Variants in STK32C observed in about 807,000 individuals in gnomAD.
STK32C encodes the protein serine/threonine kinase 32C, also known as serine/threonine-protein kinase 32C.
STK32C carries 31 observed loss-of-function variants against 56.5 expected under a neutral mutation model. The observed-to-expected ratio is 0.55, with a 90% CI of 0.41 to 0.74. The LOEUF is 0.74. Ranked by LOEUF, STK32C falls within the 30% of genes least tolerant of loss-of-function variation. STK32C has a pLI of 0.00. For synonymous variants in STK32C, 309 were observed against 289.4 expected, an observed-to-expected ratio of 1.07 and a Z score of -0.69; for missense variants, 544 against 676.9, an observed-to-expected ratio of 0.80 and a Z score of 2.18.
downstream of STK32C, among the ~76,000 whole-genome samples, chr10:132,322,118 T>A (rs1564803944): frequency 6.6e-6 from 1 of 152,232 alleles, no homozygotes; most frequent in Non-Finnish European, 1.5e-5. Flanking sequence ...GACTCACTCA[T>A]CTGAAATACA....
chr10:132,264,389 T>G (rs1001831587), intron 1 of STK32C, among the ~76,000 whole-genome samples: 1 of 152,132 alleles, frequency 6.6e-6, no homozygotes, highest in African/African-American at 2.4e-5. Context: ...AGGGCAGAAC[T>G]GAGCCGCAGG....
intron 1 of STK32C, among the ~76,000 whole-genome samples, chr10:132,265,190 G>A (rs1272757547): frequency 4.9e-5 from 7 of 142,448 alleles, no homozygotes; most frequent in South Asian, 2.1e-4. Flanking sequence ...TGGGGGAGCC[G>A]CAAGGGCAGT....
At position 132,225,742 on chromosome 10, in the gene STK32C, C is replaced by T. The variant is rs2062865399; in HGVS notation, c.682+5G>A. On this transcript the variant is annotated splice_donor_5th_base_variant and intron_variant, in intron 5 of 11. Coordinates refer to ENST00000298630, the MANE Select transcript of STK32C (RefSeq NM_173575.4). Reference sequence around the variant, plus strand: ...CCTGGGCTGCCCACACCCAACCCCACACACCTCTCTCATCCAGGAGAATGT... The same window carrying T: ...CCTGGGCTGCCCACACCCAACCCCATACACCTCTCTCATCCAGGAGAATGT... 4 of 1,614,162 alleles carry T rather than the reference C, an allele frequency of 2.5e-6. No individual in the cohort carries two copies. Among genetic ancestry groups the T allele is most frequent in the Non-Finnish European group, 3.4e-6 (4 of 1,180,026 alleles).
At chr10:132,230,682 G>A (rs1034646771) in intron 2 of STK32C, among the ~76,000 whole-genome samples, 12 of 139,442 alleles carry the variant, frequency 8.6e-5, no homozygotes, top group South Asian at 4.9e-4. Flanking sequence ...AAGCTGGCGG[G>A]GGGGGGGGGG....
intron 2 of STK32C, among the ~76,000 whole-genome samples, chr10:132,237,172 C>T (rs2063323011): frequency 6.6e-6 from 1 of 152,162 alleles, no homozygotes; most frequent in African/African-American, 2.4e-5. Flanking sequence ...GGCTCCCACT[C>T]CCTGACTGTG....
rs148926332 is a variant in STK32C at position 132,248,971 on chromosome 10, A to C, written c.263-3016T>G. 2,937 of 457,142 alleles carry C rather than the reference A, an allele frequency of 6.4e-3. 32 individuals are homozygous for C. Among genetic ancestry groups the C allele is most frequent in the South Asian group, 0.02 (1,293 of 64,586 alleles). 28.3% of individuals were successfully genotyped at this position (457,142 alleles called of 1,614,324 possible). On this transcript the variant is annotated intron_variant, in intron 1 of 11. Coordinates refer to ENST00000298630, the MANE Select transcript of STK32C (RefSeq NM_173575.4). Reference sequence around the variant, plus strand: ...AAAGGATGGGAAACAAAATCTATTAAATAACAAGTCAGAAGCATAAGGGAG... The same window carrying C: ...AAAGGATGGGAAACAAAATCTATTACATAACAAGTCAGAAGCATAAGGGAG...
chr10:132,303,148 G>C (rs571529380), intron 1 of STK32C, among the ~76,000 whole-genome samples: 2 of 152,218 alleles, frequency 1.3e-5, no homozygotes, highest in Admixed American at 6.5e-5. Flanking sequence ...GGGGCTCTGC[G>C]GTGAGGGGCT....
chr10:132,246,454 G>T lies in STK32C; in HGVS notation c.263-499C>A, dbSNP rs143966237. 6.7e-3 allele frequency among the ~76,000 whole-genome samples: 1,022 copies of T among 152,346 alleles called. 15 individuals are homozygous for T. The highest frequency in any genetic ancestry group is 0.024 in the African/African-American group (984 of 41,582). On this transcript the variant is annotated intron_variant, in intron 1 of 11. Coordinates refer to ENST00000298630, the MANE Select transcript of STK32C (RefSeq NM_173575.4). The stretch of plus-strand genomic sequence containing the variant: ...AGCCCTGCTGGCACTCACTGGGCAA[G>T]CCTGGGGGAGTCTGCAAACGGCCCC...
intron 1 of STK32C, among the ~76,000 whole-genome samples, chr10:132,264,684 C>A (rs978643508): frequency 3.3e-5 from 5 of 152,250 alleles, no homozygotes; most frequent in South Asian, 2.1e-4. Context: ...CCCAAACCAG[C>A]ACCTAGTGGG....
intron 1 of STK32C, among the ~76,000 whole-genome samples, chr10:132,270,940 G>C (rs1199294869): frequency 6.6e-6 from 1 of 151,896 alleles, no homozygotes; most frequent in South Asian, 2.1e-4. Flanking sequence ...CAGCCAATAA[G>C]GGTAGGGCAA....
intron 1 of STK32C, among the ~76,000 whole-genome samples, chr10:132,324,740 C>T (rs1315969950): frequency 6.6e-6 from 1 of 152,196 alleles, no homozygotes. Flanking sequence ...AAGGCAGTCT[C>T]AAGAGATCCT....
chr10:132,265,595 G>A (rs180739654), intron 1 of STK32C, among the ~76,000 whole-genome samples: 140 of 152,318 alleles, frequency 9.2e-4, no homozygotes, highest in Non-Finnish European at 1.3e-3. Flanking sequence ...TCATGGCTCG[G>A]GACAATGTCT....
chr10:132,328,234 G>A (rs2066541023), intron 1 of STK32C, among the ~76,000 whole-genome samples: 1 of 152,130 alleles, frequency 6.6e-6, no homozygotes, highest in Admixed American at 6.6e-5. Flanking sequence ...GGGACATGAG[G>A]AGTGCTGATT....
intron 1 of STK32C, among the ~76,000 whole-genome samples, chr10:132,262,723 C>T (rs1237626386): frequency 1.4e-5 from 2 of 139,484 alleles, no homozygotes; most frequent in East Asian, 2.2e-4. Context: ...CACTGTACTC[C>T]GGCCTGGTGA....
At chr10:132,237,233 C>T (rs1481480310) in intron 2 of STK32C, among the ~76,000 whole-genome samples, 3 of 152,174 alleles carry the variant, frequency 2.0e-5, no homozygotes, top group African/African-American at 7.2e-5. Context: ...ACAGGCTGGG[C>T]CCCTCTGCCC....
chr10:132,273,144 T>C (rs1410143149), intron 1 of STK32C, among the ~76,000 whole-genome samples: 2 of 152,210 alleles, frequency 1.3e-5, no homozygotes, highest in Non-Finnish European at 2.9e-5. Flanking sequence ...TACATTTACT[T>C]AGCTTCACAC....
chr10:132,283,685 C>CCGCG lies in STK32C; in HGVS notation c.262+23883_262+23886dup, dbSNP rs2065286092. On this transcript the variant is annotated intron_variant, in intron 1 of 11. Transcript: ENST00000298630. The stretch of plus-strand genomic sequence containing the variant: ...AGCTGAAGAGAGGAGGAGGGAGAGG[C>CCGCG]CGCGGGCTGTCATGGAGATGACCCC... Among the ~76,000 whole-genome samples the CCGCG allele has an allele frequency of 2.6e-5, 4 of 152,280 alleles. No homozygotes were observed. In the South Asian group the frequency reaches 8.3e-4, roughly 32 times the overall value.
At chr10:132,291,842 C>G (rs1204128583) in intron 1 of STK32C, among the ~76,000 whole-genome samples, 1 of 151,626 alleles carries the variant, frequency 6.6e-6, no homozygotes, top group Non-Finnish European at 1.5e-5. Context: ...GCCTCCATGT[C>G]CACCTGTGTG....
intron 2 of STK32C, among the ~76,000 whole-genome samples, chr10:132,239,562 C>G (rs557485636): frequency 6.6e-6 from 1 of 152,210 alleles, no homozygotes; most frequent in Non-Finnish European, 1.5e-5. Context: ...CTGCCCTGAG[C>G]GGGGTGGCCA....
Sources: gnomAD v4.1 joint callset for allele counts (sites outside exome capture counted in the v4.1 genomes callset) on GRCh38, gnomAD v4.1.1 for gene constraint, MANE v1.5 for transcripts, NCBI Gene and HGNC (gene_info 2026-07-23, HGNC 2026-07-21) for gene names.